The following MAP2K6 variants were observed in gnomAD, a reference collection of about 807,000 sequenced individuals.
MAP2K6 encodes the protein mitogen-activated protein kinase kinase 6.
Under a neutral mutation model 53.7 loss-of-function variants are expected in MAP2K6, and 16 were observed. The ratio of observed to expected loss-of-function variants is 0.30; its 90% CI spans 0.20 to 0.45. MAP2K6 has a LOEUF of 0.45. Ranked by LOEUF, MAP2K6 falls within the 20% of genes least tolerant of loss-of-function variation. The probability of loss-of-function intolerance (pLI) is 1.00; values close to 1 mark genes in which losing one functional copy is unlikely to be tolerated. For synonymous variants in MAP2K6, 132 were observed against 143.1 expected (o/e 0.92, Z 0.55); for missense variants, 204 against 411.9 (o/e 0.50, Z 4.37).
At position 69,553,674 on chromosome 17, in the gene MAP2K6, T is replaced by C. The variant is rs1430968628; in HGVS notation, c.*11921T>C. On this transcript the variant is annotated 3_prime_UTR_variant, in exon 12 of 12. Coordinates refer to ENST00000590474, the MANE Select transcript of MAP2K6 (RefSeq NM_002758.4). ...CTACAAACTGACTCAAACAACAGTT[T>C]AACGATAGAGAAGACAGTGATAATG... 1 of 152,202 alleles carries C rather than the reference T, an allele frequency of 6.6e-6. No homozygotes were observed. Among genetic ancestry groups the C allele is most frequent in the Non-Finnish European group, 1.5e-5 (1 of 68,040 alleles). 9.4% of individuals were successfully genotyped at this position (152,202 alleles called of 1,614,324 possible).
At chr17:69,497,229 A>G (rs1598290891) in intron 1 of MAP2K6, among the ~76,000 whole-genome samples, 1 of 152,284 alleles carries the variant, frequency 6.6e-6, no homozygotes, top group Middle Eastern at 3.4e-3. Context: ...ATGGATGAAC[A>G]GATGGGTTCA....
chr17:69,472,897 G>A (rs1276170524), intron 1 of MAP2K6, among the ~76,000 whole-genome samples: 1 of 152,074 alleles, frequency 6.6e-6, no homozygotes, highest in Non-Finnish European at 1.5e-5. Flanking sequence ...AGTAGAGATG[G>A]GGTTTCACCA....
At chr17:69,516,077 GGGGATGATTTC>G (rs1368109478) in intron 2 of MAP2K6, among the ~76,000 whole-genome samples, 1 of 152,038 alleles carries the variant, frequency 6.6e-6, no homozygotes, top group Non-Finnish European at 1.5e-5. Context: ...AACTGGGTGG[GGGGATGATTTC>G]GGGATGATTC....
intron 1 of MAP2K6, among the ~76,000 whole-genome samples, chr17:69,482,566 T>C (rs556407804): frequency 1.1e-4 from 17 of 152,136 alleles, no homozygotes; most frequent in Admixed American, 9.2e-4. Context: ...CTTCTGCATC[T>C]TATTTCACTT....
chr17:69,436,916 C>T (rs1258389172), intron 1 of MAP2K6, among the ~76,000 whole-genome samples: 1 of 151,964 alleles, frequency 6.6e-6, no homozygotes, highest in African/African-American at 2.4e-5. Flanking sequence ...CCTCCATCTC[C>T]CAGGTTCAAG....
intron 1 of MAP2K6, among the ~76,000 whole-genome samples, chr17:69,496,492 C>T (rs1026005515): frequency 1.3e-5 from 2 of 151,934 alleles, no homozygotes; most frequent in African/African-American, 2.4e-5. Flanking sequence ...CCTCAGCCTC[C>T]GGAGTAGCTG....
intron 2 of MAP2K6, among the ~76,000 whole-genome samples, chr17:69,509,301 T>A (rs1409740835): frequency 6.6e-6 from 1 of 152,212 alleles, no homozygotes; most frequent in Non-Finnish European, 1.5e-5. Context: ...TATAATACAA[T>A]TCCTCTATAT....
At chr17:69,445,229 A>G (rs1191229490) in intron 1 of MAP2K6, among the ~76,000 whole-genome samples, 1 of 152,184 alleles carries the variant, frequency 6.6e-6, no homozygotes, top group African/African-American at 2.4e-5. Context: ...CCCAAAGTAC[A>G]TTTTCATCAG....
intron 10 of MAP2K6, among the ~76,000 whole-genome samples, chr17:69,527,154 A>G (rs1314847325): frequency 6.6e-6 from 1 of 152,228 alleles, no homozygotes; most frequent in African/African-American, 2.4e-5. Context: ...GCTTTAAGCA[A>G]TTTGATGTTG....
chr17:69,415,066 A>T, intron 1 of MAP2K6, 66 bp downstream of exon 1: 1 of 1,456,008 alleles, frequency 6.9e-7, no homozygotes, highest in Non-Finnish European at 9.6e-7. Flanking sequence ...GAATGCATGG[A>T]TGCAATTTTC....
intron 1 of MAP2K6, among the ~76,000 whole-genome samples, chr17:69,471,092 A>G (rs140404296): frequency 6.6e-6 from 1 of 152,216 alleles, no homozygotes; most frequent in Admixed American, 6.5e-5. Context: ...TTGATTGAGC[A>G]TATATCTCAA....
chr17:69,547,233 A>G lies in MAP2K6; in HGVS notation c.*5480A>G, dbSNP rs1598328087. On this transcript the variant is annotated 3_prime_UTR_variant, in exon 12 of 12. Coordinates refer to ENST00000590474, the MANE Select transcript of MAP2K6 (RefSeq NM_002758.4). ...GAGGGGGTTGCAGTTTATATACTCCACGGGGTTAGTAGCTCTGTTCTGTAG... is the reference window on the plus strand; with the variant it reads ...GAGGGGGTTGCAGTTTATATACTCCGCGGGGTTAGTAGCTCTGTTCTGTAG... The G allele has an allele frequency of 6.6e-6, 1 of 152,034 alleles. No individual in the cohort carries two copies. Among genetic ancestry groups the G allele is most frequent in the African/African-American group, 2.4e-5 (1 of 41,390 alleles). The allele number at this position is 152,034 out of a possible 1,614,324, so 9.4% of individuals were successfully genotyped here.
intron 2 of MAP2K6, 63 bp from the exon 3 acceptor site, chr17:69,516,792 T>C: frequency 1.6e-6 from 2 of 1,232,846 alleles, no homozygotes; most frequent in Non-Finnish European, 2.4e-6. Flanking sequence ...TGGTGTGTGA[T>C]TTGGGAAGGA....
At chr17:69,503,342 A>T (rs986913086) in intron 1 of MAP2K6, among the ~76,000 whole-genome samples, 2 of 152,248 alleles carry the variant, frequency 1.3e-5, no homozygotes. Flanking sequence ...TTGGATTCTC[A>T]TAACTGGGTC....
chr17:69,492,747 A>T (rs1427075616), intron 1 of MAP2K6, among the ~76,000 whole-genome samples: 2 of 152,048 alleles, frequency 1.3e-5, no homozygotes, highest in African/African-American at 4.8e-5. Context: ...TTCTGATTGC[A>T]TTTAAGTCCC....
chr17:69,432,645 G>T (rs1041192338), intron 1 of MAP2K6, among the ~76,000 whole-genome samples: 2 of 149,462 alleles, frequency 1.3e-5, no homozygotes, highest in Non-Finnish European at 3.0e-5. Context: ...ACACATCGGG[G>T]CCTATCGGGA....
At chr17:69,501,930 T>C (rs1598293539) in intron 1 of MAP2K6, among the ~76,000 whole-genome samples, 1 of 151,922 alleles carries the variant, frequency 6.6e-6, no homozygotes, top group East Asian at 1.9e-4. Context: ...TTTTTTTTTT[T>C]TTTTTTTAAC....
chr17:69,421,888 G>A (rs1906094802), intron 1 of MAP2K6, among the ~76,000 whole-genome samples: 3 of 151,732 alleles, frequency 2.0e-5, no homozygotes, highest in Admixed American at 2.0e-4. Context: ...ACAAAACAGG[G>A]AACTTCGCAA....
chr17:69,432,519 C>T lies in MAP2K6; in HGVS notation c.16+17519C>T, dbSNP rs543556026. On this transcript the variant is annotated intron_variant, in intron 1 of 11. Transcript: ENST00000590474. ...TCCTTTGCAGGGACATGAATGAAGC[C>T]GGAAACCATCATCCTCAGCAAACTA... Among the ~76,000 whole-genome samples the T allele has an allele frequency of 1.6e-4, 24 of 152,196 alleles. No individual in the cohort carries two copies. The South Asian group carries it at 4.8e-3, about 30-fold the overall frequency.
Sources: allele counts gnomAD v4.1 joint callset (sites outside exome capture counted in the v4.1 genomes callset), GRCh38; gene constraint gnomAD v4.1.1; transcripts MANE v1.5; gene names NCBI Gene and HGNC (gene_info 2026-07-23, HGNC 2026-07-21).